The following ELMO1 variants were observed in gnomAD, a reference collection of about 807,000 sequenced individuals.
The protein encoded by ELMO1 is engulfment and cell motility 1, also known as engulfment and cell motility protein 1.
ELMO1 carries 26 observed loss-of-function variants against 98.9 expected under a neutral mutation model. The observed-to-expected ratio is 0.26, with a 90% CI of 0.19 to 0.36. The LOEUF is 0.36. ELMO1 is among the 10% of genes least tolerant of loss of function. The pLI, the probability that ELMO1 is intolerant of heterozygous loss-of-function variation, is 1.00. For synonymous variants in ELMO1, 346 were observed against 346.0 expected (o/e 1.00, Z 0.00); for missense variants, 627 against 935.2 (o/e 0.67, Z 4.30).
intron 13 of ELMO1, among the ~76,000 whole-genome samples, chr7:37,174,827 C>T (rs184983245): frequency 8.5e-5 from 13 of 152,152 alleles, no homozygotes; most frequent in Non-Finnish European, 1.6e-4. Context: ...GACACTGAGC[C>T]GTCACCTTTA....
At chr7:37,048,820 G>A (rs1795940263) in intron 15 of ELMO1, among the ~76,000 whole-genome samples, 1 of 152,156 alleles carries the variant, frequency 6.6e-6, no homozygotes, top group Non-Finnish European at 1.5e-5. Context: ...GGTACCTGCA[G>A]TAACCTATTT....
chr7:37,211,471 G>A lies in ELMO1; in HGVS notation c.1001C>T (p.Ala334Val). 6.2e-7 allele frequency: 1 copy of A among 1,613,984 alleles called. No homozygotes were observed. The highest frequency in any genetic ancestry group is 8.5e-7 in the Non-Finnish European group (1 of 1,179,962). Residue 334 changes from alanine to valine, a missense_variant, in exon 13 of 22, where the codon GCT becomes GTT. Transcript: ENST00000310758. ...ACTGCTGTTGTTAGGTTCAGACTCA[G>A]CATCAAAAGCAATTCTTCGAAGTTC... ...IFELRRIAFDAESEPNNSSGS... is the reference protein window; with the variant it reads ...IFELRRIAFDVESEPNNSSGS...
chr7:37,294,728 G>A (rs897249935), intron 4 of ELMO1, among the ~76,000 whole-genome samples: 24 of 152,274 alleles, frequency 1.6e-4, no homozygotes, highest in Middle Eastern at 3.4e-3. Context: ...GGCCAGGCGC[G>A]GGGGCTCACG....
chr7:37,114,224 C>T (rs528432764), intron 14 of ELMO1, among the ~76,000 whole-genome samples: 2 of 152,242 alleles, frequency 1.3e-5, no homozygotes, highest in African/African-American at 2.4e-5. Context: ...GTGTTGAAGA[C>T]AGAAAAGATG....
intron 1 of ELMO1, among the ~76,000 whole-genome samples, chr7:37,391,041 TTCCTTC>T (rs1803050901): frequency 6.6e-6 from 1 of 150,956 alleles, no homozygotes; most frequent in Non-Finnish European, 1.5e-5. Context: ...CCTTCCTTCC[TTCCTTC>T]CTTCCTTCCT....
intron 13 of ELMO1, among the ~76,000 whole-genome samples, chr7:37,209,151 G>C (rs973426070): frequency 3.9e-5 from 6 of 152,154 alleles, no homozygotes; most frequent in African/African-American, 1.4e-4. Context: ...TTGAGAAAAT[G>C]TACTCTGATT....
chr7:37,203,072 C>T (rs1397085725), intron 13 of ELMO1, among the ~76,000 whole-genome samples: 3 of 152,156 alleles, frequency 2.0e-5, no homozygotes, highest in South Asian at 2.1e-4. Context: ...TAGTTGCACT[C>T]ACTGATGCAG....
At chr7:37,094,320 G>T (rs1784265694) in intron 15 of ELMO1, among the ~76,000 whole-genome samples, 1 of 152,150 alleles carries the variant, frequency 6.6e-6, no homozygotes, top group Admixed American at 6.5e-5. Context: ...AGCATCTGTG[G>T]CATCTCCAGG....
chr7:37,070,688 T>C (rs1371831549), intron 15 of ELMO1, among the ~76,000 whole-genome samples: 1 of 152,178 alleles, frequency 6.6e-6, no homozygotes, highest in Non-Finnish European at 1.5e-5. Context: ...GATGACATGA[T>C]GGATTTCAGA....
chr7:36,861,982 T>A (rs1406415825), intron 20 of ELMO1: 2 of 518,338 alleles, frequency 3.9e-6, no homozygotes, highest in Non-Finnish European at 7.0e-6. Context: ...AGTGTTTTCA[T>A]CTCCTTTATG....
intron 15 of ELMO1, among the ~76,000 whole-genome samples, chr7:37,035,370 A>G (rs1795120734): frequency 6.6e-6 from 1 of 152,194 alleles, no homozygotes; most frequent in Admixed American, 6.5e-5. Context: ...TGGTTGGATC[A>G]TATTCAAGTC....
intron 14 of ELMO1, among the ~76,000 whole-genome samples, chr7:37,104,010 CAAA>C (rs35979251): frequency 5.5e-4 from 16 of 29,006 alleles, no homozygotes; most frequent in African/African-American, 9.1e-4. Flanking sequence ...GACTCCATCT[CAAA>C]AAAAAAAAAA....
rs1789955495 is a variant in ELMO1 at position 37,169,035 on chromosome 7, T to A, written c.1087-35801A>T. On this transcript the variant is annotated intron_variant, in intron 13 of 21. Coordinates refer to ENST00000310758, the MANE Select transcript of ELMO1 (RefSeq NM_014800.11). The stretch of plus-strand genomic sequence containing the variant: ...GCTGCTTTGTTTACCTAAGCAAGCC[T>A]GGGCAATGGCGGGCACCCCTCCCCC... 2.0e-5 allele frequency among the ~76,000 whole-genome samples: 3 copies of A among 152,092 alleles called. 1 individual carries two copies. The South Asian group carries it at 6.2e-4, about 32-fold the overall frequency.
chr7:37,053,864 C>T (rs1305550425), intron 15 of ELMO1, among the ~76,000 whole-genome samples: 3 of 152,096 alleles, frequency 2.0e-5, no homozygotes, highest in Non-Finnish European at 4.4e-5. Context: ...TATAAGTCTA[C>T]AGAATTATAT....
intron 15 of ELMO1, among the ~76,000 whole-genome samples, chr7:37,068,511 ACT>A (rs1797102536): frequency 6.6e-6 from 1 of 152,138 alleles, no homozygotes; most frequent in Admixed American, 6.6e-5. Context: ...TATGAGGCCC[ACT>A]CTGTTAAGGC....
At chr7:37,106,452 T>C (rs886216563) in intron 14 of ELMO1, among the ~76,000 whole-genome samples, 1 of 152,098 alleles carries the variant, frequency 6.6e-6, no homozygotes, top group Non-Finnish European at 1.5e-5. Flanking sequence ...CAAGGTACCA[T>C]CTTGGAAATA....
At chr7:37,023,973 G>C (rs903175559) in intron 15 of ELMO1, among the ~76,000 whole-genome samples, 3 of 152,182 alleles carry the variant, frequency 2.0e-5, no homozygotes, top group Non-Finnish European at 4.4e-5. Context: ...GACTAGTTGT[G>C]TATGAACTCT....
At chr7:37,126,593 T>C (rs577825838) in intron 14 of ELMO1, among the ~76,000 whole-genome samples, 82 of 152,294 alleles carry the variant, frequency 5.4e-4, no homozygotes, top group African/African-American at 1.9e-3. Context: ...GCAACGTTTT[T>C]ATAACTTGAT....
chr7:37,441,647 T>C (rs1805420623), intron 1 of ELMO1, among the ~76,000 whole-genome samples: 1 of 152,252 alleles, frequency 6.6e-6, no homozygotes, highest in Admixed American at 6.5e-5. Flanking sequence ...ATTTATCTTA[T>C]TGCCATTATG....
Sources: gnomAD v4.1 joint callset for allele counts (sites outside exome capture counted in the v4.1 genomes callset) on GRCh38, gnomAD v4.1.1 for gene constraint, MANE v1.5 for transcripts, NCBI Gene and HGNC (gene_info 2026-07-23, HGNC 2026-07-21) for gene names.